The following SUSD6 variants were observed in gnomAD, a reference collection of about 807,000 sequenced individuals.
SUSD6 encodes the protein sushi domain-containing protein 6.
SUSD6 carries 16 observed loss-of-function variants against 28.4 expected under a neutral mutation model. The observed-to-expected ratio is 0.56, with a 90% CI of 0.38 to 0.86. SUSD6 has a LOEUF of 0.86. SUSD6 is among the 40% of genes least tolerant of loss of function. SUSD6 has a pLI of 0.00. For synonymous variants in SUSD6, 147 were observed against 159.6 expected (o/e 0.92, Z 0.59); for missense variants, 341 against 384.2 (o/e 0.89, Z 0.94).
intron 2 of SUSD6, among the ~76,000 whole-genome samples, chr14:69,689,925 C>T (rs1438483154): frequency 1.3e-5 from 2 of 152,234 alleles, no homozygotes; most frequent in African/African-American, 4.8e-5. Flanking sequence ...CTTGGTCTCC[C>T]AAAGTGCTGG....
At chr14:69,695,023 G>A (rs1458663941) in intron 2 of SUSD6, among the ~76,000 whole-genome samples, 6 of 152,208 alleles carry the variant, frequency 3.9e-5, no homozygotes, top group Non-Finnish European at 7.3e-5. Context: ...GCTACTGCAG[G>A]CTGGCTCTCC....
At chr14:69,670,937 G>GA (rs533388888) in intron 2 of SUSD6, among the ~76,000 whole-genome samples, 79 of 152,382 alleles carry the variant, frequency 5.2e-4, no homozygotes, top group Admixed American at 6.5e-4. Flanking sequence ...CCCTGTGAAT[G>GA]AAGAAGTGTT....
At chr14:69,704,487 C>A (rs535266163) in intron 3 of SUSD6, 117 bp from the exon 4 acceptor site, 2 of 977,684 alleles carry the variant, frequency 2.0e-6, no homozygotes, top group Non-Finnish European at 3.0e-6. Context: ...TGACCCTGAC[C>A]GTAGGATGTC....
chr14:69,677,315 G>A (rs2139628093), intron 2 of SUSD6, among the ~76,000 whole-genome samples: 1 of 152,334 alleles, frequency 6.6e-6, no homozygotes, highest in South Asian at 2.1e-4. Flanking sequence ...GGAGGCCGAG[G>A]CGGGTGGATC....
chr14:69,681,473 A>G (rs1372030546), intron 2 of SUSD6, among the ~76,000 whole-genome samples: 1 of 152,216 alleles, frequency 6.6e-6, no homozygotes, highest in Non-Finnish European at 1.5e-5. Context: ...GATGTGGAGA[A>G]AAGGGGGCTC....
intron 5 of SUSD6, among the ~76,000 whole-genome samples, chr14:69,710,006 A>C (rs1275701088): frequency 6.6e-6 from 1 of 152,246 alleles, no homozygotes; most frequent in East Asian, 1.9e-4. Context: ...AAAGCAAAGA[A>C]GTTGGAAATT....
At chr14:69,652,042 ACT>A (rs574640307) in intron 1 of SUSD6, among the ~76,000 whole-genome samples, 2 of 152,090 alleles carry the variant, frequency 1.3e-5, no homozygotes, top group East Asian at 3.9e-4. Flanking sequence ...AAAGGAATAA[ACT>A]CTGTTGTTCT....
Position 69,658,509 on chromosome 14 carries a change from A to G in SUSD6, c.-80-4A>G. On this transcript the variant is annotated splice_region_variant and splice_polypyrimidine_tract_variant and intron_variant, in intron 1 of 5. Transcript: ENST00000342745. ...CACTTTATGTCCTTGTTTGTTTGTT[A>G]CAGGTGAATCAGCTCCCGGCCGACT... is the stretch of plus-strand genomic sequence containing the variant. 1 of 1,422,956 alleles carries G rather than the reference A, an allele frequency of 7.0e-7. No individual in the cohort carries two copies. Among genetic ancestry groups the G allele is most frequent in the African/African-American group, 1.4e-5 (1 of 70,552 alleles). The allele number at this position is 1,422,956 out of a possible 1,614,324, so 88.1% of individuals were successfully genotyped here. A position where few individuals can be genotyped will look rare whatever the true frequency, so the allele number is the denominator to read the frequency against.
At chr14:69,645,754 T>C (rs575918443) in intron 1 of SUSD6, among the ~76,000 whole-genome samples, 126 of 134,078 alleles carry the variant, frequency 9.4e-4, no homozygotes, top group South Asian at 3.3e-3. Context: ...ACTTTCTCAC[T>C]TTTTTTTTTT....
rs1475951626 is a variant in SUSD6 at position 69,713,854 on chromosome 14, T to TTTG, written c.*2876_*2877insTGT. 2.6e-4 allele frequency: 39 copies of TTTG among 150,278 alleles called. No individual in the cohort carries two copies. Among genetic ancestry groups the TTTG allele is most frequent in the African/African-American group, 8.9e-4 (36 of 40,530 alleles). 9.3% of individuals were successfully genotyped at this position (150,278 alleles called of 1,614,324 possible). On this transcript the variant is annotated 3_prime_UTR_variant, in exon 6 of 6. Coordinates refer to ENST00000342745, the MANE Select transcript of SUSD6 (RefSeq NM_014734.4). ...GGTGTTTGTTTTTTTTTTTTTTTTT[T>TTTG]TGGCACACTTGAGCTGACTCAGTGC...
At chr14:69,697,743 C>T (rs1886246981) in intron 2 of SUSD6, among the ~76,000 whole-genome samples, 1 of 152,188 alleles carries the variant, frequency 6.6e-6, no homozygotes. Context: ...TTGCCTCAGG[C>T]TCTTACCCTC....
intron 2 of SUSD6, among the ~76,000 whole-genome samples, chr14:69,676,547 T>C (rs1307011486): frequency 6.6e-6 from 1 of 152,140 alleles, no homozygotes; most frequent in Admixed American, 6.5e-5. Context: ...GCCTGGCTAA[T>C]GTTTTTATTT....
intron 2 of SUSD6, among the ~76,000 whole-genome samples, chr14:69,696,620 C>T (rs1016735607): frequency 9.2e-5 from 14 of 152,198 alleles, no homozygotes; most frequent in Admixed American, 9.2e-4. Context: ...CATTTCATGC[C>T]CTGTCGTGTG....
At chr14:69,640,690 C>T (rs1885339298) in intron 1 of SUSD6, among the ~76,000 whole-genome samples, 1 of 152,208 alleles carries the variant, frequency 6.6e-6, no homozygotes, top group Admixed American at 6.5e-5. Flanking sequence ...CATTAACCAA[C>T]AAATATCTAC....
At chr14:69,622,520 T>G (rs900182166) in intron 1 of SUSD6, among the ~76,000 whole-genome samples, 3 of 152,180 alleles carry the variant, frequency 2.0e-5, no homozygotes, top group Non-Finnish European at 4.4e-5. Context: ...TTGAGGATGG[T>G]TTACGTTTCT....
chr14:69,636,564 A>T (rs1008224751), intron 1 of SUSD6, among the ~76,000 whole-genome samples: 3 of 152,184 alleles, frequency 2.0e-5, no homozygotes, highest in Non-Finnish European at 4.4e-5. Flanking sequence ...TCCTGGGGGA[A>T]CCCATTGTTG....
chr14:69,692,327 A>G (rs1279614631), intron 2 of SUSD6, among the ~76,000 whole-genome samples: 1 of 152,140 alleles, frequency 6.6e-6, no homozygotes, highest in Non-Finnish European at 1.5e-5. Flanking sequence ...CCCCTATGTT[A>G]TACTTTGTAG....
At chr14:69,619,121 G>T (rs563488051) in intron 1 of SUSD6, among the ~76,000 whole-genome samples, 1 of 152,276 alleles carries the variant, frequency 6.6e-6, no homozygotes, top group African/African-American at 2.4e-5. Context: ...TCACCTCTTT[G>T]TTTCTCCCCC....
chr14:69,706,448 A>G (rs1002133695), intron 4 of SUSD6, among the ~76,000 whole-genome samples: 4 of 152,134 alleles, frequency 2.6e-5, no homozygotes, highest in African/African-American at 9.7e-5. Context: ...ATGCCAGTTT[A>G]CACACTGCTT....
Sources: allele counts gnomAD v4.1 joint callset (sites outside exome capture counted in the v4.1 genomes callset), GRCh38; gene constraint gnomAD v4.1.1; transcripts MANE v1.5; gene names NCBI Gene and HGNC (gene_info 2026-07-23, HGNC 2026-07-21).